Variants in RBBP8 observed in about 807,000 individuals in gnomAD.
RBBP8 encodes DNA endonuclease RBBP8.
RBBP8 carries 88 observed loss-of-function variants against 108.3 expected under a neutral mutation model. The observed-to-expected ratio is 0.81, with a 90% CI of 0.68 to 0.97. RBBP8 has a LOEUF of 0.97. Among genes scored for constraint, RBBP8 ranks in the 50% least tolerant of loss-of-function variants. The pLI, the probability that RBBP8 is intolerant of heterozygous loss-of-function variation, is 0.00. For missense variants in RBBP8, 1,023 were observed against 1,049.0 expected (o/e 0.98, Z 0.34); for synonymous variants, 332 against 348.2 (o/e 0.95, Z 0.52).
At chr18:22,949,401 G>A (rs945926214) in intron 3 of RBBP8, among the ~76,000 whole-genome samples, 7 of 152,136 alleles carry the variant, frequency 4.6e-5, no homozygotes, top group African/African-American at 1.7e-4. Flanking sequence ...TGACAAAGTT[G>A]AGTCAATAGT....
At chr18:22,924,588 T>C (rs780897979) in intron 3 of RBBP8, among the ~76,000 whole-genome samples, 1 of 152,176 alleles carries the variant, frequency 6.6e-6, no homozygotes, top group African/African-American at 2.4e-5. Context: ...ACCTGGCTAA[T>C]TTGTTTTTAT....
At chr18:22,997,117 T>C (rs1186267529) in intron 13 of RBBP8, among the ~76,000 whole-genome samples, 1 of 152,264 alleles carries the variant, frequency 6.6e-6, no homozygotes. Context: ...TTTTCCAAGT[T>C]GACTATTTTT....
intron 15 of RBBP8, 122 bp from the exon 16 acceptor site, chr18:23,006,241 G>A: frequency 1.2e-6 from 1 of 833,664 alleles, no homozygotes; most frequent in Non-Finnish European, 2.0e-6. Flanking sequence ...GTTGCTCAGA[G>A]GCCTGGAGCA....
At chr18:23,006,494 T>TTC in intron 16 of RBBP8, 62 bp downstream of exon 16, 1 of 1,347,826 alleles carries the variant, frequency 7.4e-7, no homozygotes, top group Admixed American at 1.7e-5. Context: ...TGTCTTTTAT[T>TTC]TCTCTCTCTT....
chr18:23,023,312 A>C (rs2046403510), intron 18 of RBBP8, among the ~76,000 whole-genome samples: 1 of 151,644 alleles, frequency 6.6e-6, no homozygotes, highest in African/African-American at 2.4e-5. Context: ...AACCTCACTT[A>C]CCCAGAATGC....
chr18:23,000,606 G>A (rs933094519), intron 14 of RBBP8, among the ~76,000 whole-genome samples: 1 of 151,924 alleles, frequency 6.6e-6, no homozygotes, highest in Admixed American at 6.6e-5. Context: ...GCCGGGTATG[G>A]TGGCGCACAC....
intron 2 of RBBP8, among the ~76,000 whole-genome samples, chr18:22,941,288 C>T (rs1245250423): frequency 1.3e-5 from 2 of 152,046 alleles, no homozygotes; most frequent in African/African-American, 4.8e-5. Flanking sequence ...TCTCCTGGCT[C>T]AGCCCCGCAA....
rs200568560 is a variant in RBBP8 at position 22,936,862 on chromosome 18, C to T, written c.11C>T (p.Ser4Leu). 36 of 1,613,898 alleles carry T rather than the reference C, an allele frequency of 2.2e-5. No homozygotes were observed. The South Asian group carries it at 3.3e-4, about 15-fold the overall frequency. The change falls in exon 2 of 19, where the codon TCG becomes TTG. Residue 4 changes from serine to leucine, a missense_variant. Coordinates refer to ENST00000327155, the MANE Select transcript of RBBP8 (RefSeq NM_002894.3). Reference sequence around the variant, plus strand: ...AGCATATTAAGCAAGATGAACATCTCGGGAAGCAGCTGTGGAAGCCCTAAC... The same window carrying T: ...AGCATATTAAGCAAGATGAACATCTTGGGAAGCAGCTGTGGAAGCCCTAAC... MNI[S>L]GSSCGSPNSA... is the part of the protein sequence containing the mutation.
chr18:22,942,828 ATATT>A (rs1002877518), intron 2 of RBBP8, among the ~76,000 whole-genome samples: 1 of 152,066 alleles, frequency 6.6e-6, no homozygotes, highest in Non-Finnish European at 1.5e-5. Flanking sequence ...AGAATTTAAA[ATATT>A]TATTTTCAGA....
chr18:22,966,719 C>CT (rs796853895), intron 4 of RBBP8, among the ~76,000 whole-genome samples: 3,092 of 127,904 alleles, frequency 0.024, 71 homozygotes, highest in African/African-American at 0.035. Flanking sequence ...TACTTACTAT[C>CT]TTTTTTTTTT....
intron 4 of RBBP8, among the ~76,000 whole-genome samples, chr18:22,962,348 C>T (rs369566056): frequency 1.3e-5 from 2 of 152,156 alleles, no homozygotes; most frequent in East Asian, 3.9e-4. Context: ...TGTACTCTAT[C>T]CTCATTCACC....
intron 1 of RBBP8, 198 bp downstream of exon 1, chr18:22,933,762 A>C (rs905310926): frequency 6.6e-6 from 1 of 151,892 alleles, no homozygotes; most frequent in Non-Finnish European, 1.5e-5. Context: ...CTACCTCAGT[A>C]CTACTTCTGG....
intron 3 of RBBP8, among the ~76,000 whole-genome samples, chr18:22,919,998 C>T (rs1179522353): frequency 6.6e-6 from 1 of 151,692 alleles, no homozygotes; most frequent in Non-Finnish European, 1.5e-5. Context: ...GCAAAGAAGG[C>T]AGGAAAAAAA....
intron 4 of RBBP8, among the ~76,000 whole-genome samples, chr18:22,956,221 A>G (rs556829632): frequency 6.6e-6 from 1 of 152,296 alleles, no homozygotes; most frequent in South Asian, 2.1e-4. Flanking sequence ...GTCATATGTA[A>G]GAATGATTAT....
At chr18:22,952,741 G>A (rs139216841) in intron 4 of RBBP8, among the ~76,000 whole-genome samples, 3 of 152,132 alleles carry the variant, frequency 2.0e-5, no homozygotes, top group Admixed American at 6.5e-5. Context: ...GTGGTGAGGC[G>A]CTTCCTTCTG....
At chr18:22,995,083 AG>A (rs1335231237) in intron 12 of RBBP8, among the ~76,000 whole-genome samples, 1 of 152,098 alleles carries the variant, frequency 6.6e-6, no homozygotes, top group Non-Finnish European at 1.5e-5. Context: ...CTGTAGTTCA[AG>A]TGCAGTATTT....
chr18:22,976,640 T>A (rs768793), intron 6 of RBBP8, among the ~76,000 whole-genome samples: 84,518 of 151,958 alleles, frequency 0.56, 25,084 homozygotes, highest in Middle Eastern at 0.72. Flanking sequence ...TCATTTTTTT[T>A]AAAAAATATG....
chr18:22,947,584 G>A (rs1247722893), intron 3 of RBBP8, among the ~76,000 whole-genome samples: 1 of 152,066 alleles, frequency 6.6e-6, no homozygotes, highest in African/African-American at 2.4e-5. Context: ...AAATGATACT[G>A]AGTTTTTAGT....
intron 6 of RBBP8, among the ~76,000 whole-genome samples, chr18:22,980,713 G>GTTT (rs1567974999): frequency 6.6e-6 from 1 of 150,572 alleles, no homozygotes; most frequent in Admixed American, 6.6e-5. Flanking sequence ...GTCTTTTTGG[G>GTTT]GTTTTTTTTT....
Sources: allele counts gnomAD v4.1 joint callset (sites outside exome capture counted in the v4.1 genomes callset), GRCh38; gene constraint gnomAD v4.1.1; transcripts MANE v1.5; gene names NCBI Gene and HGNC (gene_info 2026-07-23, HGNC 2026-07-21).